PEX5L: variants seen among roughly 807,000 people sequenced by gnomAD.
PEX5L encodes PEX5-related protein.
A neutral mutation model predicts 84.0 loss-of-function variants in PEX5L; 30 were observed. The ratio of observed to expected loss-of-function variants is 0.36; its 90% confidence interval spans 0.27 to 0.48. The LOEUF (loss-of-function observed/expected upper bound fraction) is 0.48. Among genes scored for constraint, PEX5L ranks in the 20% least tolerant of loss-of-function variants. PEX5L has a pLI of 0.99. For synonymous variants in PEX5L, 270 were observed against 283.1 expected, an observed-to-expected ratio of 0.95 and a Z score of 0.46; for missense variants, 533 against 754.6, an observed-to-expected ratio of 0.71 and a Z score of 3.44.
intron 1 of PEX5L, among the ~76,000 whole-genome samples, chr3:179,989,769 G>A (rs1259503506): frequency 6.6e-6 from 1 of 152,064 alleles, no homozygotes; most frequent in Non-Finnish European, 1.5e-5. Flanking sequence ...CAAAAGAGTA[G>A]TCACCTAAAA....
chr3:179,958,055 T>C (rs1465082580), intron 2 of PEX5L, among the ~76,000 whole-genome samples: 1 of 152,088 alleles, frequency 6.6e-6, no homozygotes, highest in Non-Finnish European at 1.5e-5. Flanking sequence ...CATGCACACA[T>C]ATATACATAC....
chr3:179,985,352 C>T (rs938665692), intron 1 of PEX5L, among the ~76,000 whole-genome samples: 1 of 152,180 alleles, frequency 6.6e-6, no homozygotes, highest in Non-Finnish European at 1.5e-5. Context: ...AGAAGAATGG[C>T]ATATGCAAAA....
At chr3:179,973,094 G>T in intron 1 of PEX5L, 1 of 936,410 alleles carries the variant, frequency 1.1e-6, no homozygotes, top group Non-Finnish European at 1.4e-6. Flanking sequence ...ATAAGATTTT[G>T]TCTAGAGTGT....
rs1560226087 is a variant in PEX5L at position 179,819,917 on chromosome 3, G to T, written c.882C>A (p.Asn294Lys). 6.2e-7 allele frequency: 1 copy of T among 1,613,960 alleles called. No individual in the cohort carries two copies. Among genetic ancestry groups the T allele is most frequent in the Non-Finnish European group, 8.5e-7 (1 of 1,179,932 alleles). Reference protein sequence around the residue: ...QAEWEEMARRNWISENQEAQN... With the variant: ...QAEWEEMARRKWISENQEAQN... Reference sequence around the variant, plus strand: ...GGGCTTCTTGGTTCTCAGATATCCAGTTCCTCCGAGCCATTTCTTCCCATT... The same window carrying T: ...GGGCTTCTTGGTTCTCAGATATCCATTTCCTCCGAGCCATTTCTTCCCATT... The change falls in exon 9 of 15, where the codon AAC (asparagine) becomes AAA (lysine). Residue 294 changes from asparagine (N) to lysine (K), a missense_variant. By Grantham distance (94) the Asn-to-Lys change is moderately conservative. This residue lies in a region of PEX5L where 58 missense variants were observed against 56.4 expected (regional missense o/e 1.03). Coordinates refer to ENST00000467460, the MANE Select transcript of PEX5L (RefSeq NM_016559.3).
At position 179,866,540 on chromosome 3, in the gene PEX5L, G is replaced by A. The variant is rs1032160950; in HGVS notation, c.727-7383C>T. ...ACACCATACATAGGACATAGTACGT[G>A]CTTAATACAACTTTGCTTTCATTAT... is the stretch of plus-strand genomic sequence containing the variant. On this transcript the variant is annotated intron_variant, in intron 7 of 14. Coordinates refer to ENST00000467460, the MANE Select transcript of PEX5L (RefSeq NM_016559.3). Among the ~76,000 whole-genome samples, 20 of 152,276 alleles carry A rather than the reference G, an allele frequency of 1.3e-4. 1 individual carries two copies. The highest frequency in any genetic ancestry group is 4.8e-4 in the African/African-American group (20 of 41,564).
At chr3:180,002,058 T>C (rs547521432) in intron 1 of PEX5L, among the ~76,000 whole-genome samples, 1 of 152,328 alleles carries the variant, frequency 6.6e-6, no homozygotes, top group South Asian at 2.1e-4. Flanking sequence ...AAATCCATCT[T>C]CATAGCTCTA....
intron 8 of PEX5L, among the ~76,000 whole-genome samples, chr3:179,855,787 C>T (rs1450364343): frequency 3.9e-5 from 6 of 152,148 alleles, no homozygotes; most frequent in Non-Finnish European, 7.4e-5. Flanking sequence ...TGTGAGGACC[C>T]AGCAAGAAGG....
intron 8 of PEX5L, among the ~76,000 whole-genome samples, chr3:179,821,418 C>T (rs1728494771): frequency 6.6e-6 from 1 of 152,174 alleles, no homozygotes; most frequent in South Asian, 2.1e-4. Flanking sequence ...TCTGCCTGGG[C>T]TGTGGCTGCC....
chr3:179,804,330 T>C (rs1178141842), intron 14 of PEX5L: 1 of 152,136 alleles, frequency 6.6e-6, no homozygotes. Context: ...TGTTTGTGTA[T>C]ATTGTCATGA....
intron 2 of PEX5L, among the ~76,000 whole-genome samples, chr3:179,898,588 A>G (rs982559601): frequency 6.6e-6 from 1 of 152,194 alleles, no homozygotes; most frequent in Non-Finnish European, 1.5e-5. Flanking sequence ...ACGTTCATTT[A>G]TAAATTATTA....
chr3:179,961,336 TG>T (rs1325365151), intron 2 of PEX5L, among the ~76,000 whole-genome samples: 2 of 143,526 alleles, frequency 1.4e-5, no homozygotes, highest in East Asian at 4.2e-4. Context: ...AGAGTTGTTT[TG>T]GAGAAAAGGA....
At chr3:179,938,554 G>GCAAC (rs1453541290) in intron 2 of PEX5L, among the ~76,000 whole-genome samples, 1 of 152,186 alleles carries the variant, frequency 6.6e-6, no homozygotes, top group African/African-American at 2.4e-5. Context: ...CATCCACTGG[G>GCAAC]GTTGGCATTA....
Position 179,879,663 on chromosome 3 carries a change from T to C in PEX5L, c.505+266A>G, listed in dbSNP as rs113565516. Among the ~76,000 whole-genome samples, 892 of 152,346 alleles carry C rather than the reference T, an allele frequency of 5.9e-3. 7 individuals carry two copies. The highest frequency in any genetic ancestry group is 0.011 in the Non-Finnish European group (724 of 68,026). The stretch of plus-strand genomic sequence containing the variant: ...CACATTTTATCTTTATTTGTAACTT[T>C]AGTGCCTAACCTGGCACCCAGCACC... On this transcript the variant is annotated intron_variant, in intron 5 of 14. Transcript: ENST00000467460.
At chr3:179,977,640 C>T (rs114305766) in intron 1 of PEX5L, among the ~76,000 whole-genome samples, 4 of 152,290 alleles carry the variant, frequency 2.6e-5, no homozygotes, top group Admixed American at 2.0e-4. Flanking sequence ...TGAGAGTGAT[C>T]GCCTTTCAAG....
intron 1 of PEX5L, among the ~76,000 whole-genome samples, chr3:179,979,259 AC>A (rs1219595798): frequency 5.9e-5 from 9 of 152,088 alleles, no homozygotes; most frequent in Non-Finnish European, 1.2e-4. Flanking sequence ...TAAAAAAAAA[AC>A]AAAGATAATG....
At chr3:179,985,630 C>G (rs1786743807) in intron 1 of PEX5L, among the ~76,000 whole-genome samples, 1 of 152,054 alleles carries the variant, frequency 6.6e-6, no homozygotes, top group South Asian at 2.1e-4. Context: ...CCTTGAGAAT[C>G]CAAGCAAAGC....
chr3:179,954,872 G>A (rs372211484), intron 2 of PEX5L, among the ~76,000 whole-genome samples: 3 of 151,820 alleles, frequency 2.0e-5, no homozygotes, highest in East Asian at 1.9e-4. Context: ...GCTCAACAAC[G>A]TGAATTCCCT....
chr3:179,795,972 TAA>T lies in PEX5L; in HGVS notation c.*5854_*5855del, dbSNP rs1491347336. 7.6e-6 allele frequency: 1 copy of T among 131,874 alleles called. No homozygotes were observed. The highest frequency in any genetic ancestry group is 1.9e-4 in the East Asian group (1 of 5,176). 8.2% of individuals were successfully genotyped at this position (131,874 alleles called of 1,614,324 possible). A position where few individuals can be genotyped will look rare whatever the true frequency, so the allele number is the denominator to read the frequency against. On this transcript the variant is annotated 3_prime_UTR_variant, in exon 15 of 15. Coordinates refer to ENST00000467460, the MANE Select transcript of PEX5L (RefSeq NM_016559.3). The stretch of plus-strand genomic sequence containing the variant: ...ACATGAAAGGAAGTTGGTAAAAACT[TAA>T]GTTTGCTGTATTTCCCTTAACTACT...
chr3:179,897,764 C>G (rs1041800661), intron 3 of PEX5L, among the ~76,000 whole-genome samples: 13 of 151,932 alleles, frequency 8.6e-5, no homozygotes, highest in Non-Finnish European at 1.9e-4. Flanking sequence ...TACAATATAA[C>G]TTGTTTTTAT....
Sources: gnomAD v4.1 joint callset for allele counts (sites outside exome capture counted in the v4.1 genomes callset) on GRCh38, gnomAD v4.1.1 for gene constraint, gnomAD v4.1.1 regional missense constraint, MANE v1.5 for transcripts, NCBI Gene and HGNC (gene_info 2026-07-23, HGNC 2026-07-21) for gene names.